The following MAP2K1 variants were observed in gnomAD, a reference collection of about 807,000 sequenced individuals.
MAP2K1 encodes the protein dual specificity mitogen-activated protein kinase kinase 1.
MAP2K1 carries 16 observed loss-of-function variants against 46.3 expected under a neutral mutation model. The observed-to-expected ratio is 0.35, with a 90% CI of 0.23 to 0.52. The LOEUF (loss-of-function observed/expected upper bound fraction) is 0.52, where lower values mean the gene tolerates loss of function less well. MAP2K1 is among the 20% of genes least tolerant of loss of function. The probability of loss-of-function intolerance (pLI) is 0.94; values close to 1 mark genes in which losing one functional copy is unlikely to be tolerated. For missense variants in MAP2K1, 263 were observed against 497.1 expected, an observed-to-expected ratio of 0.53 and a Z score of 4.48; for synonymous variants, 183 against 185.6, an observed-to-expected ratio of 0.99 and a Z score of 0.11.
intron 1 of MAP2K1, among the ~76,000 whole-genome samples, chr15:66,429,556 A>G (rs1595858210): frequency 6.6e-6 from 1 of 152,058 alleles, no homozygotes; most frequent in Non-Finnish European, 1.5e-5. Context: ...AGGTAGTTGA[A>G]CAGCCTCTCC....
chr15:66,423,448 T>TA (rs2093448665), intron 1 of MAP2K1, among the ~76,000 whole-genome samples: 1 of 151,548 alleles, frequency 6.6e-6, no homozygotes, highest in African/African-American at 2.4e-5. Context: ...TTTCCTTTTT[T>TA]TTTTTTTTGA....
intron 5 of MAP2K1, among the ~76,000 whole-genome samples, chr15:66,461,201 A>G (rs957428358): frequency 2.6e-5 from 4 of 152,120 alleles, no homozygotes; most frequent in Non-Finnish European, 5.9e-5. Context: ...ATAGAGGAAC[A>G]AGAGTGGGCT....
Position 66,387,276 on chromosome 15 carries a change from G to GGCAGC in MAP2K1, c.-65_-61dup. ...ACTTGGTCCTGCGCAGCGGGCGCGG[G>GGCAGC]GCAGCGCAGCGGGAGGAAGCGAGAG... On this transcript the variant is annotated 5_prime_UTR_variant, in exon 1 of 11. Transcript: ENST00000307102. The GGCAGC allele has an allele frequency of 7.5e-7, 1 of 1,337,596 alleles. No homozygotes were observed. The highest frequency in any genetic ancestry group is 1.3e-5 in the South Asian group (1 of 79,676). 82.9% of individuals were successfully genotyped at this position (1,337,596 alleles called of 1,614,324 possible). A position where few individuals can be genotyped will look rare whatever the true frequency, so the allele number is the denominator to read the frequency against.
chr15:66,455,792 A>G (rs945580855), intron 5 of MAP2K1, among the ~76,000 whole-genome samples: 1 of 152,216 alleles, frequency 6.6e-6, no homozygotes, highest in Non-Finnish European at 1.5e-5. Context: ...GAATAAGTTC[A>G]ACTGACAGTC....
chr15:66,489,292 G>A lies in MAP2K1; in HGVS notation c.1022+16G>A, dbSNP rs757073344. On this transcript the variant is annotated intron_variant, in intron 9 of 10. Coordinates refer to ENST00000307102, the MANE Select transcript of MAP2K1 (RefSeq NM_002755.4). ...TGAATAAATGGTAAGTTGGCTCCTT[G>A]TTCTCTGGAAGCGTATACTCTGGAT... The A allele has an allele frequency of 3.7e-6, 6 of 1,610,678 alleles. No homozygotes were observed. Among genetic ancestry groups the A allele is most frequent in the Non-Finnish European group, 5.1e-6 (6 of 1,176,944 alleles).
intron 1 of MAP2K1, among the ~76,000 whole-genome samples, chr15:66,393,213 T>G (rs2093360755): frequency 6.6e-6 from 1 of 151,828 alleles, no homozygotes; most frequent in Non-Finnish European, 1.5e-5. Context: ...AGTCTCACTC[T>G]GTTGCCCAGG....
rs374203054 is a variant in MAP2K1 at position 66,392,254 on chromosome 15, G to GTTTTTTTTTTTTTTTTTTT, written c.80+4827_80+4828insTTTTTTTTTTTTTTTTTTT. 8.8e-5 allele frequency among the ~76,000 whole-genome samples: 7 copies of GTTTTTTTTTTTTTTTTTTT among 79,662 alleles called. 2 individuals are homozygous for GTTTTTTTTTTTTTTTTTTT. The highest frequency in any genetic ancestry group is 8.9e-5 in the Non-Finnish European group (4 of 44,744). 52.3% of individuals were successfully genotyped at this position (79,662 alleles called of 152,430 possible). ...CACGAATATTTGTGTGTTTTTTTTGGGTTTTTTTTTTTTTTTTTTTTTTTT... is the reference window on the plus strand; with the variant it reads ...CACGAATATTTGTGTGTTTTTTTTGGTTTTTTTTTTTTTTTTTTTGTTTTTTTTTTTTTTTTTTTTTTTT... On this transcript the variant is annotated intron_variant, in intron 1 of 10. Coordinates refer to ENST00000307102, the MANE Select transcript of MAP2K1 (RefSeq NM_002755.4).
At chr15:66,423,407 T>C (rs7170277) in intron 1 of MAP2K1, among the ~76,000 whole-genome samples, 149,071 of 151,052 alleles carry the variant, frequency 0.99, 73,584 homozygotes, top group East Asian at 1. Context: ...CCCATCCCAC[T>C]TCCCAACCCT....
intron 1 of MAP2K1, among the ~76,000 whole-genome samples, chr15:66,404,284 G>A (rs897343981): frequency 2.6e-5 from 4 of 152,138 alleles, no homozygotes; most frequent in Non-Finnish European, 4.4e-5. Context: ...CCAGGGAGGT[G>A]GTGGTTGCAG....
intron 1 of MAP2K1, among the ~76,000 whole-genome samples, chr15:66,434,819 C>A (rs2093483342): frequency 6.6e-6 from 1 of 152,154 alleles, no homozygotes; most frequent in African/African-American, 2.4e-5. Context: ...AATTGAAGCC[C>A]TGAGAGGTAA....
In MAP2K1 at chr15:66,413,899, TTTC is replaced by T. The variant is rs1222772280; in HGVS notation, c.81-21116_81-21114del. On this transcript the variant is annotated intron_variant, in intron 1 of 10. Transcript: ENST00000307102. ...GGGTCTTCTGTTTTGTTCTTATTTTTTTCTTCTTCTTCTTTTTTTTTTTTTTTT... is the reference window on the plus strand; with the variant it reads ...GGGTCTTCTGTTTTGTTCTTATTTTTTTCTTCTTCTTTTTTTTTTTTTTTT... 1.5e-3 allele frequency among the ~76,000 whole-genome samples: 179 copies of T among 122,084 alleles called. 1 individual carries two copies. Among genetic ancestry groups the T allele is most frequent in the African/African-American group, 5.1e-3 (171 of 33,704 alleles). 80.1% of individuals were successfully genotyped at this position (122,084 alleles called of 152,430 possible).
At chr15:66,442,441 A>C (rs1255853814) in intron 3 of MAP2K1, among the ~76,000 whole-genome samples, 1 of 152,102 alleles carries the variant, frequency 6.6e-6, no homozygotes, top group Non-Finnish European at 1.5e-5. Flanking sequence ...TATAGAAATC[A>C]TGTTCATCCT....
chr15:66,456,783 C>T (rs1051885471), intron 5 of MAP2K1, among the ~76,000 whole-genome samples: 2 of 152,152 alleles, frequency 1.3e-5, no homozygotes, highest in East Asian at 1.9e-4. Context: ...CAACAGATGG[C>T]GCCTCTTGAT....
At chr15:66,420,763 G>GTGTGTATATATA (rs1567003026) in intron 1 of MAP2K1, among the ~76,000 whole-genome samples, 2 of 43,656 alleles carry the variant, frequency 4.6e-5, no homozygotes, top group African/African-American at 1.3e-4. Flanking sequence ...GTGTGTGTAT[G>GTGTGTATATATA]TGTGTATATA....
At chr15:66,429,905 A>C (rs1265298178) in intron 1 of MAP2K1, among the ~76,000 whole-genome samples, 2 of 151,902 alleles carry the variant, frequency 1.3e-5, no homozygotes, top group African/African-American at 4.8e-5. Context: ...GAAGCTCCTC[A>C]GCCCCTCAAC....
rs117798794 is a variant in MAP2K1, at chr15:66,486,866, A to G, written c.896-362A>G. ...AGACAAAAGGAAGAAACGCAACTTC[A>G]TGGAGAATTAAAACTAAGTCCTTTA... On this transcript the variant is annotated intron_variant, in intron 7 of 10. Transcript: ENST00000307102. 3.9e-3 allele frequency among the ~76,000 whole-genome samples: 596 copies of G among 152,350 alleles called. 4 individuals are homozygous for G. Among genetic ancestry groups the G allele is most frequent in the Non-Finnish European group, 5.5e-3 (372 of 68,030 alleles).
chr15:66,414,279 C>G (rs2093419352), intron 1 of MAP2K1, among the ~76,000 whole-genome samples: 1 of 120,748 alleles, frequency 8.3e-6, no homozygotes, highest in African/African-American at 2.8e-5. Flanking sequence ...TAAGGGGTTT[C>G]CTGACCACAC....
At chr15:66,452,773 C>G (rs1160671613) in intron 5 of MAP2K1, among the ~76,000 whole-genome samples, 5 of 152,174 alleles carry the variant, frequency 3.3e-5, no homozygotes, top group Non-Finnish European at 7.3e-5. Flanking sequence ...CTCTAATATG[C>G]TAATTGCCTT....
chr15:66,454,027 A>G (rs1892102358), intron 5 of MAP2K1, among the ~76,000 whole-genome samples: 1 of 152,208 alleles, frequency 6.6e-6, no homozygotes, highest in African/African-American at 2.4e-5. Flanking sequence ...TAAAATAATA[A>G]TTTATTACCT....
Sources: allele counts gnomAD v4.1 joint callset (sites outside exome capture counted in the v4.1 genomes callset), GRCh38; gene constraint gnomAD v4.1.1; transcripts MANE v1.5; gene names NCBI Gene and HGNC (gene_info 2026-07-23, HGNC 2026-07-21).